The following SLC39A12 variants were observed in gnomAD, a reference collection of about 807,000 sequenced individuals.
SLC39A12 encodes solute carrier family 39 member 12.
SLC39A12 carries 63 observed loss-of-function variants against 71.1 expected under a neutral mutation model. That is an observed-to-expected ratio of 0.89 (90% CI 0.72 to 1.09). The LOEUF (loss-of-function observed/expected upper bound fraction) is 1.09, where lower values mean the gene tolerates loss of function less well. Among genes scored for constraint, SLC39A12 ranks in the 50% least tolerant of loss-of-function variants. The pLI is 0.00. For synonymous variants in SLC39A12, 351 were observed against 301.3 expected, an observed-to-expected ratio of 1.16 and a Z score of -1.71; for missense variants, 892 against 812.6, an observed-to-expected ratio of 1.10 and a Z score of -1.19.
intron 4 of SLC39A12, among the ~76,000 whole-genome samples, chr10:17,974,385 T>C (rs1835051515): frequency 6.6e-6 from 1 of 152,236 alleles, no homozygotes; most frequent in African/African-American, 2.4e-5. Flanking sequence ...CTGTCTGGGC[T>C]TGTTTGTACT....
chr10:17,990,699 A>G (rs571218074), intron 7 of SLC39A12, among the ~76,000 whole-genome samples: 2 of 152,190 alleles, frequency 1.3e-5, no homozygotes, highest in Non-Finnish European at 2.9e-5. Flanking sequence ...CTGATATTTA[A>G]TAAAAGTTTA....
chr10:17,973,883 A>AGTAGTC (rs1835038182), intron 4 of SLC39A12, among the ~76,000 whole-genome samples: 1 of 144,552 alleles, frequency 6.9e-6, no homozygotes, highest in Non-Finnish European at 1.5e-5. Context: ...TGCTAGATTC[A>AGTAGTC]GTAGTCGTGC....
At chr10:18,030,472 C>G (rs940107847) in intron 12 of SLC39A12, among the ~76,000 whole-genome samples, 22 of 151,848 alleles carry the variant, frequency 1.4e-4, no homozygotes, top group Non-Finnish European at 3.2e-4. Context: ...ATCTCCTGAC[C>G]TCGTGATCCG....
rs749928511 is a variant in SLC39A12 at position 17,981,282 on chromosome 10, T to A, written c.925-30T>A. The A allele has an allele frequency of 7.7e-6, 12 of 1,562,800 alleles. No individual in the cohort carries two copies. The South Asian group carries it at 9.6e-5, about 13-fold the overall frequency. On this transcript the variant is annotated intron_variant, in intron 5 of 12. Transcript: ENST00000377369. ...GAATCTAGTTTAAATATGCTGAGAT[T>A]AGTAACAATGTTATGTTTTCCTCAC...
chr10:17,976,134 G>A (rs1564643777), intron 4 of SLC39A12, among the ~76,000 whole-genome samples: 1 of 152,104 alleles, frequency 6.6e-6, no homozygotes, highest in South Asian at 2.1e-4. Flanking sequence ...CAGGTATAAC[G>A]AGGGCTCACC....
chr10:17,975,837 A>G (rs1213523007), intron 4 of SLC39A12, among the ~76,000 whole-genome samples: 1 of 152,166 alleles, frequency 6.6e-6, no homozygotes, highest in Non-Finnish European at 1.5e-5. Flanking sequence ...GGGGGAAGTC[A>G]GGTTCTAACT....
intron 2 of SLC39A12, among the ~76,000 whole-genome samples, chr10:17,957,320 A>G (rs1554847879): frequency 6.6e-6 from 1 of 152,090 alleles, no homozygotes; most frequent in African/African-American, 2.4e-5. Flanking sequence ...GACAATTACT[A>G]CCAAGTGTCC....
At chr10:18,035,642 T>G (rs917769995) in intron 12 of SLC39A12, among the ~76,000 whole-genome samples, 2 of 152,192 alleles carry the variant, frequency 1.3e-5, no homozygotes, top group Non-Finnish European at 2.9e-5. Flanking sequence ...CCTTCTTCTC[T>G]CAGCTCGTCA....
At chr10:18,016,766 T>G (rs1836396857) in intron 12 of SLC39A12, among the ~76,000 whole-genome samples, 1 of 152,222 alleles carries the variant, frequency 6.6e-6, no homozygotes, top group Non-Finnish European at 1.5e-5. Context: ...ATTTCATTGT[T>G]GCTGTAATTT....
intron 2 of SLC39A12, among the ~76,000 whole-genome samples, chr10:17,955,200 T>A (rs1406193048): frequency 6.6e-6 from 1 of 152,170 alleles, no homozygotes; most frequent in South Asian, 2.1e-4. Flanking sequence ...TTTTCAGGGC[T>A]GGGGGAAGGA....
intron 2 of SLC39A12, among the ~76,000 whole-genome samples, chr10:17,960,163 CA>C (rs1554848202): frequency 1.6e-4 from 24 of 151,948 alleles, no homozygotes. Context: ...TATGGGAAAC[CA>C]AAAATTTTTT....
chr10:17,974,102 A>G (rs1835044597), intron 4 of SLC39A12, among the ~76,000 whole-genome samples: 1 of 151,540 alleles, frequency 6.6e-6, no homozygotes, highest in South Asian at 2.1e-4. Context: ...ATTTTTAATT[A>G]TTGGGTTCTT....
intron 12 of SLC39A12, among the ~76,000 whole-genome samples, chr10:18,032,595 A>G (rs1215897323): frequency 6.7e-6 from 1 of 148,580 alleles, no homozygotes; most frequent in African/African-American, 2.5e-5. Flanking sequence ...TCATCTGCAA[A>G]CAGGGACAAT....
intron 7 of SLC39A12, among the ~76,000 whole-genome samples, chr10:17,990,128 TTC>T: frequency 6.6e-6 from 1 of 152,328 alleles, no homozygotes; most frequent in Admixed American, 6.5e-5. Context: ...GGGGTTTTTC[TTC>T]TGTTTTGTTT....
At chr10:18,027,056 C>T (rs1010165024) in intron 12 of SLC39A12, among the ~76,000 whole-genome samples, 1 of 152,028 alleles carries the variant, frequency 6.6e-6, no homozygotes. Flanking sequence ...CATCTTTTGC[C>T]TTTTAATATG....
At chr10:18,036,377 A>G (rs894373106) in intron 12 of SLC39A12, among the ~76,000 whole-genome samples, 2 of 152,024 alleles carry the variant, frequency 1.3e-5, no homozygotes, top group African/African-American at 4.8e-5. Context: ...GCCGGTCTGA[A>G]AAGCGCAGTA....
rs1836288523 is a variant in SLC39A12, at chr10:18,013,378, T to TA, written c.1947+10021dup. Among the ~76,000 whole-genome samples the TA allele has an allele frequency of 2.1e-5, 3 of 145,466 alleles. No individual in the cohort carries two copies. In the South Asian group the frequency reaches 6.5e-4, roughly 31 times the overall value. On this transcript the variant is annotated intron_variant, in intron 12 of 12. Coordinates refer to ENST00000377369, the MANE Select transcript of SLC39A12 (RefSeq NM_001145195.2). ...TTATTATTATTATTATTATTATTAT[T>TA]ATTATTAGAGACAGAGTCTTGCTGT... is the stretch of plus-strand genomic sequence containing the variant.
intron 12 of SLC39A12, chr10:18,004,436 G>A (rs1264207294): frequency 1.3e-5 from 2 of 151,978 alleles, no homozygotes; most frequent in Non-Finnish European, 2.9e-5. Context: ...ATTTCATGAG[G>A]AAAAAAATAC....
At chr10:17,987,234 C>G (rs185076265) in intron 6 of SLC39A12, among the ~76,000 whole-genome samples, 2 of 152,128 alleles carry the variant, frequency 1.3e-5, no homozygotes, top group Non-Finnish European at 2.9e-5. Context: ...ACTTGGGAGG[C>G]TGAGGTGGGA....
Sources: gnomAD v4.1 joint callset for allele counts (sites outside exome capture counted in the v4.1 genomes callset) on GRCh38, gnomAD v4.1.1 for gene constraint, MANE v1.5 for transcripts, NCBI Gene and HGNC (gene_info 2026-07-23, HGNC 2026-07-21) for gene names.